Variants in UNC5C observed in about 807,000 individuals in gnomAD.
The protein encoded by UNC5C is netrin receptor UNC5C.
Under a neutral mutation model 99.8 loss-of-function variants are expected in UNC5C, and 47 were observed. The observed-to-expected ratio is 0.47, with a 90% CI of 0.37 to 0.60. The LOEUF (loss-of-function observed/expected upper bound fraction) is 0.60. Among genes scored for constraint, UNC5C ranks in the 20% least tolerant of loss-of-function variants. The probability of loss-of-function intolerance (pLI) is 0.00; values close to 1 mark genes in which losing one functional copy is unlikely to be tolerated. For synonymous variants in UNC5C, 487 were observed against 452.2 expected, an observed-to-expected ratio of 1.08 and a Z score of -0.98; for missense variants, 1,062 against 1,165.9, an observed-to-expected ratio of 0.91 and a Z score of 1.30.
At chr4:95,307,123 C>T (rs1742088744) in intron 2 of UNC5C, among the ~76,000 whole-genome samples, 1 of 150,400 alleles carries the variant, frequency 6.6e-6, no homozygotes, top group Non-Finnish European at 1.5e-5. Context: ...AGTGTGATAA[C>T]TTAAAAGGCA....
At chr4:95,253,220 T>C (rs891691723) in intron 4 of UNC5C, among the ~76,000 whole-genome samples, 9 of 152,184 alleles carry the variant, frequency 5.9e-5, no homozygotes, top group Admixed American at 3.3e-4. Flanking sequence ...GGAGAACCCA[T>C]AGCTATTCAA....
At chr4:95,188,458 G>A (rs1001164106) in intron 12 of UNC5C, among the ~76,000 whole-genome samples, 6 of 152,156 alleles carry the variant, frequency 3.9e-5, no homozygotes, top group Non-Finnish European at 5.9e-5. Flanking sequence ...CGTCACATAC[G>A]GCGAATCTCA....
chr4:95,503,421 T>G (rs1412638192), intron 1 of UNC5C, among the ~76,000 whole-genome samples: 1 of 152,190 alleles, frequency 6.6e-6, no homozygotes, highest in East Asian at 1.9e-4. Context: ...TGTCACCCAT[T>G]TTCTTCAAGT....
chr4:95,228,852 C>T (rs1738792492), intron 7 of UNC5C, among the ~76,000 whole-genome samples: 1 of 152,102 alleles, frequency 6.6e-6, no homozygotes, highest in African/African-American at 2.4e-5. Flanking sequence ...GAGAGGTTGT[C>T]TCCTTTACAT....
At chr4:95,275,359 C>T (rs1445544914) in intron 4 of UNC5C, among the ~76,000 whole-genome samples, 1 of 152,126 alleles carries the variant, frequency 6.6e-6, no homozygotes, top group South Asian at 2.1e-4. Flanking sequence ...ACAATAGTAC[C>T]AATGTTTCTT....
intron 1 of UNC5C, among the ~76,000 whole-genome samples, chr4:95,512,273 A>G (rs73842316): frequency 0.03 from 4,600 of 152,296 alleles, 219 homozygotes; most frequent in African/African-American, 0.11. Context: ...ATACATATTC[A>G]TACACACAGG....
chr4:95,481,540 C>T (rs955009096), intron 1 of UNC5C, among the ~76,000 whole-genome samples: 1 of 151,924 alleles, frequency 6.6e-6, no homozygotes, highest in Non-Finnish European at 1.5e-5. Flanking sequence ...AAAAAAGAGC[C>T]CACATCGCCA....
At chr4:95,278,489 T>G in intron 3 of UNC5C, 127 bp from the exon 4 acceptor site, 3 of 703,440 alleles carry the variant, frequency 4.3e-6, no homozygotes. Flanking sequence ...TTCTTTTTTT[T>G]TTTGAGACAG....
At chr4:95,447,738 C>T (rs1354516798) in intron 1 of UNC5C, among the ~76,000 whole-genome samples, 1 of 152,038 alleles carries the variant, frequency 6.6e-6, no homozygotes, top group African/African-American at 2.4e-5. Flanking sequence ...TGATCTCAGG[C>T]GATCTGCCTG....
chr4:95,171,402 C>T lies in UNC5C; in HGVS notation c.2452-1070G>A, dbSNP rs1309010809. 2.7e-5 allele frequency among the ~76,000 whole-genome samples: 4 copies of T among 148,196 alleles called. No individual in the cohort carries two copies. The South Asian group carries it at 6.6e-4, about 24-fold the overall frequency. ...TCCCCCCTCCCACCTCCCCCTACCC[C>T]ACAACAGTCCCCAGAGTGTGATGTT... On this transcript the variant is annotated intron_variant, in intron 14 of 15. Transcript: ENST00000453304.
chr4:95,183,053 T>C lies in UNC5C; in HGVS notation c.2295A>G (p.Pro765=). The change falls in exon 14 of 16, where the codon CCA becomes CCG. Residue 765 remains proline, a synonymous_variant. Transcript: ENST00000453304. ...GAGATCCACTCCAAACATGGTAAAA[T>C]GGAATTTCCTAAAGGATATGAAAGT... is the stretch of plus-strand genomic sequence containing the variant. The part of the protein sequence containing the change: ...SKLLAKYQEI[P]FYHVWSGSQR... 1.2e-6 allele frequency: 2 copies of C among 1,604,754 alleles called. No individual in the cohort carries two copies. Among genetic ancestry groups the C allele is most frequent in the Non-Finnish European group, 1.7e-6 (2 of 1,172,726 alleles).
intron 2 of UNC5C, among the ~76,000 whole-genome samples, chr4:95,321,719 A>G (rs1742698751): frequency 6.6e-6 from 1 of 152,232 alleles, no homozygotes; most frequent in Non-Finnish European, 1.5e-5. Context: ...TATTGCACAG[A>G]TATGGCCTAG....
intron 2 of UNC5C, among the ~76,000 whole-genome samples, chr4:95,324,623 T>A (rs942885404): frequency 6.6e-6 from 1 of 152,114 alleles, no homozygotes; most frequent in Non-Finnish European, 1.5e-5. Flanking sequence ...CAAATTCGTA[T>A]GTTGAAATAC....
At chr4:95,394,509 A>AT (rs1454027445) in intron 1 of UNC5C, among the ~76,000 whole-genome samples, 3 of 152,234 alleles carry the variant, frequency 2.0e-5, no homozygotes, top group Non-Finnish European at 4.4e-5. Context: ...TTTTACATTG[A>AT]TTTTAAGAGA....
chr4:95,252,772 G>A (rs1579269270), intron 4 of UNC5C, among the ~76,000 whole-genome samples: 1 of 152,162 alleles, frequency 6.6e-6, no homozygotes, highest in African/African-American at 2.4e-5. Context: ...ATGCAGGTGC[G>A]TAACACACAG....
intron 1 of UNC5C, among the ~76,000 whole-genome samples, chr4:95,421,243 CTATAGAATAGCTGTAG>C (rs1746309935): frequency 1.3e-5 from 2 of 152,224 alleles, no homozygotes; most frequent in Non-Finnish European, 2.9e-5. Flanking sequence ...AGTTTCTTTA[CTATAGAATAGCTGTAG>C]TATAACTGTA....
chr4:95,341,900 C>T (rs1480229261), intron 1 of UNC5C, among the ~76,000 whole-genome samples: 1 of 152,070 alleles, frequency 6.6e-6, no homozygotes, highest in Non-Finnish European at 1.5e-5. Flanking sequence ...CAGAGTGCTA[C>T]CCTGTCACAG....
chr4:95,459,274 A>G (rs879539668), intron 1 of UNC5C, among the ~76,000 whole-genome samples: 6 of 152,176 alleles, frequency 3.9e-5, no homozygotes, highest in Admixed American at 1.3e-4. Flanking sequence ...AAGTATTTTC[A>G]TATGGCATTG....
intron 1 of UNC5C, among the ~76,000 whole-genome samples, chr4:95,365,311 A>AG (rs1744522220): frequency 7.0e-6 from 1 of 143,028 alleles, no homozygotes; most frequent in African/African-American, 2.6e-5. Flanking sequence ...AAAAAAAAAA[A>AG]GAAAAGAAAT....
Sources: allele counts gnomAD v4.1 joint callset (sites outside exome capture counted in the v4.1 genomes callset), GRCh38; gene constraint gnomAD v4.1.1; transcripts MANE v1.5; gene names NCBI Gene and HGNC (gene_info 2026-07-23, HGNC 2026-07-21).